The following GLT1D1 variants were observed in gnomAD, a reference collection of about 807,000 sequenced individuals.
GLT1D1 encodes glycosyltransferase 1 domain containing 1, also known as glycosyltransferase 1 domain-containing protein 1.
In GLT1D1, 21 loss-of-function variants were observed where a neutral mutation model predicts 28.7. The ratio of observed to expected loss-of-function variants is 0.73; its 90% CI spans 0.52 to 1.05. GLT1D1 has a LOEUF of 1.05. GLT1D1 is among the 50% of genes least tolerant of loss of function. The pLI is 0.00. For missense variants in GLT1D1, 343 were observed against 330.6 expected (o/e 1.04, Z -0.29); for synonymous variants, 147 against 124.8 (o/e 1.18, Z -1.19).
intron 1 of GLT1D1, among the ~76,000 whole-genome samples, chr12:128,855,495 G>A (rs1956195365): frequency 6.6e-6 from 1 of 152,082 alleles, no homozygotes; most frequent in Non-Finnish European, 1.5e-5. Flanking sequence ...GAGCCCAGGA[G>A]GTTGAGGCTG....
intron 1 of GLT1D1, among the ~76,000 whole-genome samples, chr12:128,871,725 G>A (rs1593059709): frequency 6.6e-6 from 1 of 151,980 alleles, no homozygotes; most frequent in African/African-American, 2.4e-5. Context: ...CTCCTCCTCT[G>A]ATCTTTGTCC....
chr12:128,981,963 G>A (rs760770797), intron 7 of GLT1D1, among the ~76,000 whole-genome samples: 7 of 152,148 alleles, frequency 4.6e-5, no homozygotes, highest in Non-Finnish European at 7.3e-5. Context: ...TTACACACGC[G>A]CATGGAGAGT....
intron 1 of GLT1D1, 92 bp from the exon 2 acceptor site, chr12:128,875,822 C>CAA (rs11444853): frequency 1.6e-3 from 1,639 of 1,011,050 alleles, no homozygotes; most frequent in Middle Eastern, 3.1e-3. Flanking sequence ...CAACAACAAC[C>CAA]AAAAAAAAAA....
intron 4 of GLT1D1, among the ~76,000 whole-genome samples, chr12:128,900,358 G>A (rs1870113967): frequency 6.6e-6 from 1 of 152,204 alleles, no homozygotes; most frequent in Admixed American, 6.5e-5. Flanking sequence ...ATTCTTTATG[G>A]AATTGCAATT....
chr12:128,867,397 C>CAAAAAAAAAAAAAAAAAACAAAAAAA (rs1956563105), intron 1 of GLT1D1, among the ~76,000 whole-genome samples: 1 of 59,304 alleles, frequency 1.7e-5, no homozygotes, highest in Non-Finnish European at 3.2e-5. Context: ...AACTCCTTCT[C>CAAAAAAAAAAAAAAAAAACAAAAAAA]AAAAAAAAAA....
At chr12:128,944,500 T>G in intron 4 of GLT1D1, 1 of 1,060,348 alleles carries the variant, frequency 9.4e-7, no homozygotes, top group Non-Finnish European at 1.5e-6. Context: ...TGTCAGAGCA[T>G]CAATGCCCAC....
chr12:128,889,502 G>C (rs112978696), intron 3 of GLT1D1, among the ~76,000 whole-genome samples: 182 of 152,298 alleles, frequency 1.2e-3, no homozygotes, highest in African/African-American at 3.9e-3. Flanking sequence ...ATGGGCAGCA[G>C]CCTCCAGGTA....
At chr12:128,945,639 A>C (rs1875966815) in intron 5 of GLT1D1, among the ~76,000 whole-genome samples, 1 of 152,206 alleles carries the variant, frequency 6.6e-6, no homozygotes, top group Non-Finnish European at 1.5e-5. Context: ...GGAAGAATGG[A>C]GGGGTATTGC....
At chr12:128,973,470 A>G (rs1302711451) in intron 7 of GLT1D1, among the ~76,000 whole-genome samples, 1 of 151,426 alleles carries the variant, frequency 6.6e-6, no homozygotes, top group African/African-American at 2.4e-5. Flanking sequence ...TGGGATGACA[A>G]GCGTGAGCCA....
At chr12:128,884,952 GC>G in intron 2 of GLT1D1, among the ~76,000 whole-genome samples, 1 of 142,632 alleles carries the variant, frequency 7.0e-6, no homozygotes, top group East Asian at 2.0e-4. Flanking sequence ...ATGGGATCTT[GC>G]TGTGTTTCCC....
Position 128,895,193 on chromosome 12 carries a change from A to G in GLT1D1, c.324-4043A>G, listed in dbSNP as rs986677886. ...TTTTTTTGTCCTTTTAGAGAATATT[A>G]TTTAGAAACTAAGATCTGTGCTTAT... On this transcript the variant is annotated intron_variant, in intron 3 of 7. Transcript: ENST00000281703. Among the ~76,000 whole-genome samples, 5 of 152,124 alleles carry G rather than the reference A, an allele frequency of 3.3e-5. 1 individual carries two copies. Among genetic ancestry groups the G allele is most frequent in the Admixed American group, 6.5e-5 (1 of 15,286 alleles).
chr12:128,875,713 G>A (rs1396712736), intron 1 of GLT1D1, among the ~76,000 whole-genome samples: 8 of 151,912 alleles, frequency 5.3e-5, no homozygotes, highest in East Asian at 1.9e-4. Context: ...CAGGAGAATC[G>A]CTTGGAGACC....
At chr12:128,964,041 C>T (rs1289552471) in intron 7 of GLT1D1, among the ~76,000 whole-genome samples, 1 of 152,220 alleles carries the variant, frequency 6.6e-6, no homozygotes, top group East Asian at 1.9e-4. Context: ...GCTGTCTTCT[C>T]CCTGTGTCCT....
intron 4 of GLT1D1, among the ~76,000 whole-genome samples, chr12:128,936,602 T>A (rs1158503159): frequency 6.6e-6 from 1 of 152,232 alleles, no homozygotes; most frequent in Non-Finnish European, 1.5e-5. Flanking sequence ...GCATATGGTC[T>A]CTGCTTGCAG....
At chr12:128,875,835 A>G in intron 1 of GLT1D1, 79 bp from the exon 2 acceptor site, 1 of 1,262,202 alleles carries the variant, frequency 7.9e-7, no homozygotes, top group Non-Finnish European at 1.1e-6. Context: ...AAAAAAAAAA[A>G]GTCTTAACTG....
intron 3 of GLT1D1, among the ~76,000 whole-genome samples, chr12:128,897,669 C>CT (rs928756460): frequency 4.0e-5 from 6 of 151,394 alleles, no homozygotes; most frequent in African/African-American, 9.7e-5. Context: ...ATGTCAAATT[C>CT]TTTTTTTTTC....
Position 128,855,746 on chromosome 12 carries a change from CTTTTTTTTTTTTTTT to C in GLT1D1, c.68+2107_68+2121del, listed in dbSNP as rs34715979. The stretch of plus-strand genomic sequence containing the variant: ...AGCAGCCCCAAGGGCTGCTGGTTGC[CTTTTTTTTTTTTTTT>C]TTTTTTTTTGAGACAAAGCTTCATT... On this transcript the variant is annotated intron_variant, in intron 1 of 7. Transcript: ENST00000281703. 5.3e-5 allele frequency among the ~76,000 whole-genome samples: 5 copies of C among 95,160 alleles called. No homozygotes were observed. The Admixed American group carries it at 6.4e-4, about 12-fold the overall frequency. 62.4% of individuals were successfully genotyped at this position (95,160 alleles called of 152,430 possible). A position where few individuals can be genotyped will look rare whatever the true frequency, so the allele number is the denominator to read the frequency against.
At chr12:128,906,762 T>A in intron 4 of GLT1D1, 1 of 459,716 alleles carries the variant, frequency 2.2e-6, no homozygotes, top group Admixed American at 3.8e-5. Context: ...AGTCACCCCC[T>A]TCTGGGGCCT....
intron 2 of GLT1D1, among the ~76,000 whole-genome samples, chr12:128,878,908 C>T (rs1008710740): frequency 1.3e-5 from 2 of 152,172 alleles, no homozygotes; most frequent in African/African-American, 4.8e-5. Context: ...AGCCACTGCA[C>T]CCAGCCTTGA....
Sources: gnomAD v4.1 joint callset for allele counts (sites outside exome capture counted in the v4.1 genomes callset) on GRCh38, gnomAD v4.1.1 for gene constraint, MANE v1.5 for transcripts, NCBI Gene and HGNC (gene_info 2026-07-23, HGNC 2026-07-21) for gene names.